RPSA2: variants seen among roughly 807,000 people sequenced by gnomAD.
RPSA2 encodes ribosomal protein SA 2.
chr19:23,828,814 T>C, the RPSA2 span, among the ~76,000 whole-genome samples: 2 of 151,988 alleles, frequency 1.3e-5, no homozygotes, highest in African/African-American at 4.8e-5. Flanking sequence ...TAACATTCTT[T>C]CTTGTTTTAG....
the RPSA2 span, among the ~76,000 whole-genome samples, chr19:23,871,091 TA>T: frequency 6.6e-6 from 1 of 152,152 alleles, no homozygotes; most frequent in African/African-American, 2.4e-5. Flanking sequence ...TCAATAAATA[TA>T]AAGGGCTCTA....
At chr19:23,862,136 G>A in the RPSA2 span, among the ~76,000 whole-genome samples, 1 of 152,068 alleles carries the variant, frequency 6.6e-6, no homozygotes, top group Non-Finnish European at 1.5e-5. Context: ...TCTCTTTGAA[G>A]CAATTGTGAA....
the RPSA2 span, among the ~76,000 whole-genome samples, chr19:23,822,463 G>T: frequency 7.3e-6 from 1 of 137,314 alleles, no homozygotes; most frequent in Non-Finnish European, 1.6e-5. Context: ...GACTGCATTA[G>T]ATCTATGAGG....
At chr19:23,848,950 G>A in the RPSA2 span, among the ~76,000 whole-genome samples, 55 of 152,322 alleles carry the variant, frequency 3.6e-4, no homozygotes, top group African/African-American at 1.3e-3. Context: ...AAATCTCTTA[G>A]CTCTTTTGAG....
the RPSA2 span, chr19:23,832,846 C>G: frequency 1.9e-6 from 3 of 1,580,110 alleles, no homozygotes; most frequent in African/African-American, 4.1e-5. Flanking sequence ...GTCCTCAACC[C>G]TTACTACACA....
chr19:23,765,540 G>C, the RPSA2 span, among the ~76,000 whole-genome samples: 2 of 152,130 alleles, frequency 1.3e-5, no homozygotes, highest in African/African-American at 4.8e-5. Context: ...CACAGGAATA[G>C]AAAACTAAAT....
chr19:23,761,935 TGAGATGGAG>T, the RPSA2 span, among the ~76,000 whole-genome samples: 11 of 26,172 alleles, frequency 4.2e-4, no homozygotes, highest in East Asian at 2.9e-3. Flanking sequence ...TTTTTTTTTT[TGAGATGGAG>T]TCTTGCTCTA....
At chr19:23,779,351 T>C in the RPSA2 span, among the ~76,000 whole-genome samples, 1 of 152,022 alleles carries the variant, frequency 6.6e-6, no homozygotes, top group South Asian at 2.1e-4. Flanking sequence ...TCTCCATTGC[T>C]TGGACTCTGT....
the RPSA2 span, among the ~76,000 whole-genome samples, chr19:23,829,343 C>T: frequency 6.6e-6 from 1 of 152,066 alleles, no homozygotes; most frequent in Admixed American, 6.6e-5. Flanking sequence ...TCTTGTTGTC[C>T]ATGCTGGAGT....
the RPSA2 span, among the ~76,000 whole-genome samples, chr19:23,810,628 C>T: frequency 2.0e-5 from 3 of 151,974 alleles, no homozygotes; most frequent in Admixed American, 6.6e-5. Flanking sequence ...TGGGTTTCTA[C>T]ATAGGCAGAA....
chr19:23,853,062 G>A, the RPSA2 span, among the ~76,000 whole-genome samples: 12 of 152,358 alleles, frequency 7.9e-5, no homozygotes, highest in South Asian at 2.1e-4. Context: ...ACTGGTGAAA[G>A]CATCTGTCCA....
the RPSA2 span, among the ~76,000 whole-genome samples, chr19:23,793,339 T>G: frequency 1.5e-5 from 2 of 134,900 alleles, no homozygotes; most frequent in African/African-American, 5.5e-5. Flanking sequence ...TTCAATACAT[T>G]TATTTCACTT....
the RPSA2 span, among the ~76,000 whole-genome samples, chr19:23,829,623 A>AT: frequency 6.6e-6 from 1 of 152,226 alleles, no homozygotes; most frequent in African/African-American, 2.4e-5. Flanking sequence ...TTATACAAAT[A>AT]TTTTTGTGGT....
chr19:23,821,313 A>G, the RPSA2 span, among the ~76,000 whole-genome samples: 2 of 152,220 alleles, frequency 1.3e-5, no homozygotes, highest in Non-Finnish European at 2.9e-5. Context: ...TAAGTATGCC[A>G]CCAGGCGATG....
At chr19:23,826,218 G>A in the RPSA2 span, among the ~76,000 whole-genome samples, 146,326 of 149,574 alleles carry the variant, frequency 0.98, 71,668 homozygotes, top group Middle Eastern at 1. Context: ...TTTTGAGCTG[G>A]AGTCTTACTC....
the RPSA2 span, among the ~76,000 whole-genome samples, chr19:23,831,184 A>G: frequency 1.6e-4 from 24 of 152,180 alleles, no homozygotes; most frequent in East Asian, 4.2e-3. Context: ...TTATGTCATG[A>G]GAGACTGAAA....
chr19:23,852,678 G>A, the RPSA2 span, among the ~76,000 whole-genome samples: 1 of 152,202 alleles, frequency 6.6e-6, no homozygotes, highest in African/African-American at 2.4e-5. Flanking sequence ...CATCCTTTCA[G>A]CTTGGGCGTT....
chr19:23,856,106 A>G, the RPSA2 span, among the ~76,000 whole-genome samples: 3 of 152,106 alleles, frequency 2.0e-5, no homozygotes, highest in Non-Finnish European at 4.4e-5. Flanking sequence ...GCAGATAACA[A>G]AGGCCGAACA....
the RPSA2 span, among the ~76,000 whole-genome samples, chr19:23,840,852 C>T: frequency 1.3e-5 from 2 of 151,234 alleles, no homozygotes; most frequent in African/African-American, 4.9e-5. Context: ...ATCCCAGCTA[C>T]TTGGGAGGCT....
Sources: gnomAD v4.1 joint callset for allele counts (sites outside exome capture counted in the v4.1 genomes callset) on GRCh38, gnomAD v4.1.1 for gene constraint, MANE v1.5 for transcripts, NCBI Gene and HGNC (gene_info 2026-07-23, HGNC 2026-07-21) for gene names.